FOXP2: variants seen among roughly 807,000 people sequenced by gnomAD.
The protein encoded by FOXP2 is forkhead box P2.
A neutral mutation model predicts 115.8 loss-of-function variants in FOXP2; 12 were observed. The ratio of observed to expected loss-of-function variants is 0.10; its 90% CI spans 0.07 to 0.17. The LOEUF (loss-of-function observed/expected upper bound fraction) is 0.17. Ranked by LOEUF, FOXP2 falls within the 10% of genes least tolerant of loss-of-function variation. FOXP2 has a pLI of 1.00. For missense variants in FOXP2, 629 were observed against 843.5 expected (o/e 0.75, Z 3.15); for synonymous variants, 328 against 297.7 (o/e 1.10, Z -1.05).
At chr7:114,470,593 A>G (rs917004654) in intron 2 of FOXP2, among the ~76,000 whole-genome samples, 2 of 152,070 alleles carry the variant, frequency 1.3e-5, no homozygotes, top group Admixed American at 6.6e-5. Context: ...GGGTCTCTAT[A>G]TACTGGATGG....
At chr7:114,318,758 T>C (rs1797337943) in intron 2 of FOXP2, among the ~76,000 whole-genome samples, 1 of 151,754 alleles carries the variant, frequency 6.6e-6, no homozygotes. Flanking sequence ...TGGAATGTTT[T>C]GCATATTTTC....
chr7:114,501,143 T>TG (rs1311070828), intron 2 of FOXP2, among the ~76,000 whole-genome samples: 1 of 152,188 alleles, frequency 6.6e-6, no homozygotes, highest in Non-Finnish European at 1.5e-5. Context: ...GAACTACAGA[T>TG]GCTTGCCTCA....
At chr7:114,454,818 A>G (rs1242533976) in intron 2 of FOXP2, among the ~76,000 whole-genome samples, 2 of 128,818 alleles carry the variant, frequency 1.6e-5, no homozygotes, top group East Asian at 2.2e-4. Context: ...GAATTGAACA[A>G]TGAGATCACA....
intron 2 of FOXP2, among the ~76,000 whole-genome samples, chr7:114,502,379 C>G (rs890004112): frequency 3.9e-5 from 6 of 152,070 alleles, no homozygotes; most frequent in African/African-American, 1.4e-4. Context: ...ATGTTCTTAT[C>G]TATCCCAAAT....
intron 1 of FOXP2, among the ~76,000 whole-genome samples, chr7:114,217,158 C>T (rs914435588): frequency 3.9e-5 from 6 of 152,124 alleles, no homozygotes; most frequent in South Asian, 2.1e-4. Context: ...GGAAGTAAAA[C>T]GCATGGTTTG....
chr7:114,139,269 G>A lies in FOXP2; in HGVS notation c.-246-23675G>A, dbSNP rs916798879. Among the ~76,000 whole-genome samples the A allele has an allele frequency of 2.0e-5, 3 of 151,942 alleles. No individual in the cohort carries two copies. The South Asian group carries it at 6.2e-4, about 32-fold the overall frequency. ...TTTAAGTAGCAATACCCATCCTCTGGGCCTGTAGTTTTAACTGCTAGGCTT... is the reference window on the plus strand; with the variant it reads ...TTTAAGTAGCAATACCCATCCTCTGAGCCTGTAGTTTTAACTGCTAGGCTT... On this transcript the variant is annotated intron_variant, in intron 1 of 19. Coordinates refer to the FOXP2 transcript ENST00000635638.
At chr7:114,408,729 A>T (rs557322192) in intron 2 of FOXP2, among the ~76,000 whole-genome samples, 2 of 152,200 alleles carry the variant, frequency 1.3e-5, no homozygotes, top group East Asian at 3.9e-4. Context: ...TCCCTCTCAA[A>T]AACATAAATA....
rs1301636015 is a variant in FOXP2, at chr7:114,693,262, G to A, written c.*3336G>A. Reference sequence around the variant, plus strand: ...ATGTCATCAGCATTCTGTGTCTACAGCTGCTTAACTTCATAAGAATGCATT... The same window carrying A: ...ATGTCATCAGCATTCTGTGTCTACAACTGCTTAACTTCATAAGAATGCATT... On this transcript the variant is annotated 3_prime_UTR_variant, in exon 17 of 17. Transcript: ENST00000350908. The A allele has an allele frequency of 2.2e-6, 1 of 450,376 alleles. No individual in the cohort carries two copies. Among genetic ancestry groups the A allele is most frequent in the Non-Finnish European group, 4.5e-6 (1 of 224,682 alleles). 27.9% of individuals were successfully genotyped at this position (450,376 alleles called of 1,614,324 possible).
chr7:114,477,805 C>A (rs1339106542), intron 2 of FOXP2, among the ~76,000 whole-genome samples: 1 of 151,760 alleles, frequency 6.6e-6, no homozygotes, highest in East Asian at 1.9e-4. Context: ...AAGATAATTT[C>A]AGATAAATGT....
At chr7:114,575,481 A>C (rs1801524399) in intron 3 of FOXP2, among the ~76,000 whole-genome samples, 1 of 151,896 alleles carries the variant, frequency 6.6e-6, no homozygotes, top group East Asian at 1.9e-4. Flanking sequence ...CACTGAGAGG[A>C]GTCTTTATAT....
chr7:114,325,587 T>C (rs1797536263), intron 2 of FOXP2, among the ~76,000 whole-genome samples: 1 of 151,876 alleles, frequency 6.6e-6, no homozygotes, highest in African/African-American at 2.4e-5. Flanking sequence ...TCTTAAAGAG[T>C]TATAGGATTT....
At position 114,308,052 on chromosome 7, in the gene FOXP2, T is replaced by G. The variant is rs553486959; in HGVS notation, c.-11+19943T>G. On this transcript the variant is annotated intron_variant, in intron 2 of 17. Transcript: ENST00000634411. ...CTTCCAGGGTCTAAGGTGTTTTCAC[T>G]TAGTGCCGGGATTGTTGCTTTCACT... Among the ~76,000 whole-genome samples, 312 of 152,244 alleles carry G rather than the reference T, an allele frequency of 2.0e-3. 1 individual carries two copies. Among genetic ancestry groups the G allele is most frequent in the Non-Finnish European group, 3.6e-3 (245 of 68,006 alleles).
chr7:114,401,306 A>T (rs1038769882), intron 2 of FOXP2, among the ~76,000 whole-genome samples: 1 of 152,190 alleles, frequency 6.6e-6, no homozygotes, highest in Admixed American at 6.5e-5. Context: ...CAAGAACACC[A>T]TTAATATTTA....
intron 8 of FOXP2, among the ~76,000 whole-genome samples, chr7:114,647,895 A>C (rs943279773): frequency 6.6e-6 from 1 of 152,052 alleles, no homozygotes; most frequent in African/African-American, 2.4e-5. Context: ...ATGCCAACAC[A>C]CAAAACATGG....
At chr7:114,259,199 A>G (rs938999826) in intron 1 of FOXP2, among the ~76,000 whole-genome samples, 1 of 152,240 alleles carries the variant, frequency 6.6e-6, no homozygotes, top group Non-Finnish European at 1.5e-5. Flanking sequence ...AATGAGGTGC[A>G]AAAGTTATTG....
At position 114,690,006 on chromosome 7, in the gene FOXP2, A is replaced by G. The variant is rs550961565; in HGVS notation, c.*80A>G. The G allele has an allele frequency of 2.3e-3, 3,593 of 1,537,470 alleles. 6 individuals are homozygous for G. The highest frequency in any genetic ancestry group is 2.9e-3 in the Non-Finnish European group (3,215 of 1,118,168). ...ACTCCACAACCATGAATATTTGACA[A>G]ATTTTTACTGTGACTATTTATTAAG... On this transcript the variant is annotated 3_prime_UTR_variant, in exon 17 of 17. Transcript: ENST00000350908.
intron 1 of FOXP2, among the ~76,000 whole-genome samples, chr7:114,143,185 A>G (rs2129147383): frequency 6.7e-6 from 1 of 148,614 alleles, no homozygotes; most frequent in South Asian, 2.1e-4. Flanking sequence ...AATAATAATA[A>G]TAGCCTACTT....
At chr7:114,557,275 G>A (rs1800511538) in intron 3 of FOXP2, among the ~76,000 whole-genome samples, 1 of 152,112 alleles carries the variant, frequency 6.6e-6, no homozygotes, top group African/African-American at 2.4e-5. Flanking sequence ...CATCCTGAAA[G>A]CCATTTCAGT....
chr7:114,544,496 A>G (rs144883091), intron 3 of FOXP2, among the ~76,000 whole-genome samples: 1 of 152,326 alleles, frequency 6.6e-6, no homozygotes, highest in Non-Finnish European at 1.5e-5. Flanking sequence ...TACACAGAAA[A>G]TTCCTTTGCA....
Sources: gnomAD v4.1 joint callset for allele counts (sites outside exome capture counted in the v4.1 genomes callset) on GRCh38, gnomAD v4.1.1 for gene constraint, MANE v1.5 for transcripts, NCBI Gene and HGNC (gene_info 2026-07-23, HGNC 2026-07-21) for gene names.